Variants in TMEM41B observed in about 807,000 individuals in gnomAD.
The protein encoded by TMEM41B is protein stasimon.
A neutral mutation model predicts 31.9 loss-of-function variants in TMEM41B; 18 were observed. The ratio of observed to expected loss-of-function variants is 0.56; its 90% CI spans 0.39 to 0.84. TMEM41B has a LOEUF of 0.84. TMEM41B is among the 40% of genes least tolerant of loss of function. TMEM41B has a pLI of 0.00. For missense variants in TMEM41B, 322 were observed against 348.0 expected (o/e 0.93, Z 0.59); for synonymous variants, 144 against 124.3 (o/e 1.16, Z -1.05).
At chr11:9,302,682 A>T (rs1257486228) in intron 1 of TMEM41B, among the ~76,000 whole-genome samples, 1 of 100,722 alleles carries the variant, frequency 9.9e-6, no homozygotes, top group Admixed American at 9.5e-5. Flanking sequence ...AGACTATATG[A>T]ATCAGCATTA....
chr11:9,284,780 G>GAAAC (rs1852798886), intron 6 of TMEM41B, among the ~76,000 whole-genome samples: 1 of 151,476 alleles, frequency 6.6e-6, no homozygotes, highest in Non-Finnish European at 1.5e-5. Flanking sequence ...GAAAAAAAAA[G>GAAAC]AAAGAAACGT....
In TMEM41B at chr11:9,293,209, C is replaced by A. The variant is rs147156411; in HGVS notation, c.368+2050G>T. Among the ~76,000 whole-genome samples, 334 of 151,900 alleles carry A rather than the reference C, an allele frequency of 2.2e-3. 1 individual carries two copies. The highest frequency in any genetic ancestry group is 7.7e-3 in the African/African-American group (320 of 41,442). ...CTCAACTTCCCTGGGCTCAGGTGAT[C>A]TTCCCACCTCAGCCTCCCAAGTAGC... On this transcript the variant is annotated intron_variant, in intron 3 of 6. Transcript: ENST00000528080.
intron 1 of TMEM41B, among the ~76,000 whole-genome samples, chr11:9,307,413 T>C (rs1233920776): frequency 6.6e-6 from 1 of 152,032 alleles, no homozygotes; most frequent in Non-Finnish European, 1.5e-5. Flanking sequence ...ACATCAAGTA[T>C]AAATTTAAAC....
At chr11:9,304,293 CT>C (rs1223657907) in intron 1 of TMEM41B, among the ~76,000 whole-genome samples, 7 of 152,052 alleles carry the variant, frequency 4.6e-5, no homozygotes, top group Non-Finnish European at 1.5e-5. Flanking sequence ...CATTTATGCT[CT>C]GGCTATTACC....
chr11:9,288,441 C>G lies in TMEM41B; in HGVS notation c.462+1G>C, dbSNP rs777611803. ...TCCCAATTTTATTTTTTCATACTTA[C>G]CAAACAAACAAGAAATAAGGCTAGT... is the stretch of plus-strand genomic sequence containing the variant. On this transcript the variant is annotated splice_donor_variant, in intron 4 of 6. Coordinates refer to ENST00000528080, the MANE Select transcript of TMEM41B (RefSeq NM_015012.4). LOFTEE classifies it high-confidence loss of function. 3 of 1,563,980 alleles carry G rather than the reference C, an allele frequency of 1.9e-6. No individual in the cohort carries two copies. Among genetic ancestry groups the G allele is most frequent in the Non-Finnish European group, 2.6e-6 (3 of 1,158,642 alleles).
At chr11:9,306,546 C>G (rs1362688105) in intron 1 of TMEM41B, among the ~76,000 whole-genome samples, 1 of 152,172 alleles carries the variant, frequency 6.6e-6, no homozygotes, top group East Asian at 1.9e-4. Flanking sequence ...ATTAGCCGGG[C>G]ACAGTGGCGG....
intron 1 of TMEM41B, 34 bp downstream of exon 1, chr11:9,314,287 G>A (rs780494593): frequency 1.3e-6 from 2 of 1,562,450 alleles, no homozygotes; most frequent in Admixed American, 1.8e-5. Flanking sequence ...GAAGCCTCGG[G>A]CCACCCCCAG....
intron 4 of TMEM41B, 50 bp from the exon 5 acceptor site, chr11:9,287,856 A>G: frequency 7.2e-7 from 1 of 1,393,150 alleles, no homozygotes; most frequent in African/African-American, 1.4e-5. Context: ...CGTCTTACTC[A>G]CATTGATTTA....
At chr11:9,296,489 G>A (rs538647766) in intron 2 of TMEM41B, among the ~76,000 whole-genome samples, 2 of 151,612 alleles carry the variant, frequency 1.3e-5, no homozygotes, top group South Asian at 2.1e-4. Context: ...AGCTGGGCAT[G>A]GTGGTGCATG....
chr11:9,295,914 T>C (rs1853074622), intron 2 of TMEM41B, among the ~76,000 whole-genome samples: 2 of 152,078 alleles, frequency 1.3e-5, no homozygotes, highest in Admixed American at 1.3e-4. Context: ...TGGAGTGCAT[T>C]GGCGCGATCT....
chr11:9,314,182 C>A, intron 1 of TMEM41B, 139 bp downstream of exon 1: 17 of 1,164,622 alleles, frequency 1.5e-5, no homozygotes, highest in Non-Finnish European at 2.0e-5. Flanking sequence ...CCAACTCCCC[C>A]ACGGTCTCTG....
At chr11:9,287,969 CA>C (rs1273340630) in intron 4 of TMEM41B, 163 bp from the exon 5 acceptor site, 1 of 617,798 alleles carries the variant, frequency 1.6e-6, no homozygotes, top group African/African-American at 1.9e-5. Flanking sequence ...TTTCTCAGAC[CA>C]AAATGTACCT....
At chr11:9,287,679 A>C (rs761727237) in intron 5 of TMEM41B, 23 bp downstream of exon 5, 35 of 1,542,024 alleles carry the variant, frequency 2.3e-5, no homozygotes, top group Non-Finnish European at 3.0e-5. Flanking sequence ...GTTACATCAA[A>C]TAATTTAAAA....
intron 1 of TMEM41B, among the ~76,000 whole-genome samples, chr11:9,314,085 A>G (rs111540537): frequency 1.3e-5 from 2 of 152,180 alleles, no homozygotes; most frequent in African/African-American, 4.8e-5. Context: ...AGCCAGTGTC[A>G]TCCCTTCTTT....
intron 1 of TMEM41B, chr11:9,311,570 G>A: frequency 9.0e-7 from 1 of 1,105,004 alleles, no homozygotes; most frequent in Non-Finnish European, 1.3e-6. Context: ...GAGGAGGACA[G>A]GGGCCTGGGG....
At chr11:9,314,201 G>A (rs1228604216) in intron 1 of TMEM41B, 120 bp downstream of exon 1, 3 of 1,298,212 alleles carry the variant, frequency 2.3e-6, no homozygotes, top group Non-Finnish European at 3.1e-6. Flanking sequence ...TGCTCCCGCC[G>A]CGGCGCCAGC....
chr11:9,286,529 G>A lies in TMEM41B; in HGVS notation c.632C>T (p.Pro211Leu). ...IIFLRITPFL[P>L]NWFINITSPV... ...AGATGTGATATTAATAAACCAATTA[G>A]GCAGAAATGGTGTTATTCTCAAAAA... Residue 211 changes from proline to leucine, a missense_variant, in exon 6 of 7, where the codon CCT becomes CTT. By Grantham distance (98) the Pro-to-Leu change is moderately conservative. Coordinates refer to ENST00000528080, the MANE Select transcript of TMEM41B (RefSeq NM_015012.4). 6.2e-7 allele frequency: 1 copy of A among 1,612,764 alleles called. No homozygotes were observed. Among genetic ancestry groups the A allele is most frequent in the Non-Finnish European group, 8.5e-7 (1 of 1,179,230 alleles).
At position 9,307,743 on chromosome 11, in the gene TMEM41B, A is replaced by C. The variant is rs189072964; in HGVS notation, c.121+6578T>G. ...AGGCATGAGCCACTGTGCCCAGCCA[A>C]TAAAATCATTTTTTTAATTTTATTT... On this transcript the variant is annotated intron_variant, in intron 1 of 6. Transcript: ENST00000528080. Among the ~76,000 whole-genome samples the C allele has an allele frequency of 1.2e-4, 18 of 150,270 alleles. No homozygotes were observed. The East Asian group carries it at 3.6e-3, about 30-fold the overall frequency.
intron 1 of TMEM41B, among the ~76,000 whole-genome samples, chr11:9,308,179 C>T (rs1303783525): frequency 6.6e-6 from 1 of 152,088 alleles, no homozygotes; most frequent in Non-Finnish European, 1.5e-5. Context: ...AAACCCTCTA[C>T]TAAAAATACA....
Sources: allele counts gnomAD v4.1 joint callset (sites outside exome capture counted in the v4.1 genomes callset), GRCh38; gene constraint gnomAD v4.1.1; transcripts MANE v1.5; gene names NCBI Gene and HGNC (gene_info 2026-07-23, HGNC 2026-07-21).